Variants in SBF2 observed in about 807,000 individuals in gnomAD.
The protein encoded by SBF2 is myotubularin-related protein 13.
A neutral mutation model predicts 225.2 loss-of-function variants in SBF2; 112 were observed. The ratio of observed to expected loss-of-function variants is 0.50; its 90% CI spans 0.43 to 0.58. The LOEUF (loss-of-function observed/expected upper bound fraction) is 0.58. Ranked by LOEUF, SBF2 falls within the 20% of genes least tolerant of loss-of-function variation. The pLI is 0.00. For synonymous variants in SBF2, 763 were observed against 773.3 expected, an observed-to-expected ratio of 0.99 and a Z score of 0.22; for missense variants, 1,996 against 2,206.2, an observed-to-expected ratio of 0.90 and a Z score of 1.91.
intron 3 of SBF2, among the ~76,000 whole-genome samples, chr11:10,032,652 T>C (rs1204487482): frequency 6.6e-6 from 1 of 152,244 alleles, no homozygotes; most frequent in Non-Finnish European, 1.5e-5. Flanking sequence ...CCATGGCATT[T>C]GTTACTATCC....
chr11:10,260,479 G>A (rs1961316481), intron 1 of SBF2, among the ~76,000 whole-genome samples: 1 of 152,016 alleles, frequency 6.6e-6, no homozygotes, highest in Non-Finnish European at 1.5e-5. Flanking sequence ...CACTTTGGGA[G>A]GCCAAGGCGG....
At chr11:10,193,848 T>G (rs969965713) in intron 2 of SBF2, 54 bp downstream of exon 2, 3 of 1,188,930 alleles carry the variant, frequency 2.5e-6, no homozygotes, top group Non-Finnish European at 3.8e-6. Flanking sequence ...AAAATCAATG[T>G]GACAAAAAAG....
At chr11:10,016,691 T>C (rs1948665735) in intron 6 of SBF2, 1 of 152,292 alleles carries the variant, frequency 6.6e-6, no homozygotes, top group Non-Finnish European at 1.5e-5. Context: ...TTTCACCGTG[T>C]TAGCCAGGAT....
intron 16 of SBF2, among the ~76,000 whole-genome samples, chr11:9,919,820 C>A (rs1349516242): frequency 6.6e-6 from 1 of 152,078 alleles, no homozygotes; most frequent in African/African-American, 2.4e-5. Flanking sequence ...CAACCTCCAC[C>A]TCCCAGGTTC....
At chr11:10,219,539 G>A (rs911096207) in intron 1 of SBF2, among the ~76,000 whole-genome samples, 3 of 152,142 alleles carry the variant, frequency 2.0e-5, no homozygotes, top group Non-Finnish European at 2.9e-5. Flanking sequence ...CGTTACTTAC[G>A]CAAATTTCTG....
At chr11:10,016,572 C>T (rs1439222082) in intron 6 of SBF2, 5 of 152,048 alleles carry the variant, frequency 3.3e-5, no homozygotes, top group African/African-American at 7.3e-5. Flanking sequence ...CTGCAAGCTC[C>T]GCCTCTTGGG....
intron 2 of SBF2, among the ~76,000 whole-genome samples, chr11:10,063,661 A>ATT (rs1057430591): frequency 7.2e-5 from 11 of 151,878 alleles, no homozygotes; most frequent in Admixed American, 5.9e-4. Context: ...CTGGCCAAAA[A>ATT]TTTTTTAAAA....
At chr11:9,968,048 A>G (rs1257957924) in intron 14 of SBF2, among the ~76,000 whole-genome samples, 3 of 150,978 alleles carry the variant, frequency 2.0e-5, no homozygotes, top group Non-Finnish European at 4.4e-5. Context: ...GTCTGTAAAT[A>G]TACTAAAAAT....
chr11:9,856,350 T>G (rs752547712), intron 19 of SBF2, 108 bp downstream of exon 19: 2 of 1,421,762 alleles, frequency 1.4e-6, no homozygotes, highest in Non-Finnish European at 2.0e-6. Flanking sequence ...TGGTTAACTT[T>G]TGAAATATGT....
At chr11:10,264,349 G>A (rs1002165718) in intron 1 of SBF2, among the ~76,000 whole-genome samples, 5 of 152,068 alleles carry the variant, frequency 3.3e-5, no homozygotes, top group African/African-American at 1.2e-4. Context: ...TCTCACCTAT[G>A]TATACTAAAA....
chr11:9,914,357 G>C (rs1230724625), intron 16 of SBF2, among the ~76,000 whole-genome samples: 1 of 152,158 alleles, frequency 6.6e-6, no homozygotes, highest in Non-Finnish European at 1.5e-5. Context: ...GCTGAGGAAA[G>C]AATCTCTGAG....
chr11:10,082,251 C>T (rs1951396471), intron 2 of SBF2, among the ~76,000 whole-genome samples: 1 of 152,046 alleles, frequency 6.6e-6, no homozygotes, highest in South Asian at 2.1e-4. Flanking sequence ...CACCCATCAA[C>T]AAAAAAGTCC....
intron 16 of SBF2, among the ~76,000 whole-genome samples, chr11:9,905,904 GGCA>G (rs567879739): frequency 1.1e-3 from 175 of 152,230 alleles, no homozygotes; most frequent in Non-Finnish European, 2.1e-3. Context: ...TTACTTTGAA[GGCA>G]GTCATTACCT....
At chr11:10,195,372 A>G (rs1452965539) in intron 1 of SBF2, among the ~76,000 whole-genome samples, 2 of 152,160 alleles carry the variant, frequency 1.3e-5, no homozygotes, top group Non-Finnish European at 2.9e-5. Flanking sequence ...AACTTTGGGG[A>G]TGTAATTTGT....
At chr11:10,120,570 G>A (rs932402142) in intron 2 of SBF2, among the ~76,000 whole-genome samples, 44 of 152,098 alleles carry the variant, frequency 2.9e-4, no homozygotes, top group African/African-American at 1.1e-3. Context: ...TAGGGCAAAA[G>A]GGTCTAATTT....
At chr11:10,069,906 A>G (rs1326552516) in intron 2 of SBF2, among the ~76,000 whole-genome samples, 26 of 149,560 alleles carry the variant, frequency 1.7e-4, no homozygotes, top group Admixed American at 3.3e-4. Context: ...TTCTCTGATG[A>G]CCAATGATGA....
Position 9,858,406 on chromosome 11 carries a change from C to T in SBF2, c.1930-10G>A, listed in dbSNP as rs765561519. ...CTCCAGGGGCAAGTTTCTGTGAGAA[C>T]ACACAAAATACATCATCATGGGGCT... is the stretch of plus-strand genomic sequence containing the variant. On this transcript the variant is annotated splice_polypyrimidine_tract_variant and intron_variant, in intron 17 of 39. Transcript: ENST00000256190. 4.0e-5 allele frequency: 64 copies of T among 1,614,018 alleles called. No homozygotes were observed. In the East Asian group the frequency reaches 1.4e-3, roughly 34 times the overall value.
At chr11:10,096,648 T>C (rs1952038499) in intron 2 of SBF2, among the ~76,000 whole-genome samples, 1 of 152,160 alleles carries the variant, frequency 6.6e-6, no homozygotes, top group Non-Finnish European at 1.5e-5. Flanking sequence ...GGAATAAATA[T>C]TCACAAAATC....
chr11:10,153,378 C>A (rs1029697998), intron 2 of SBF2, among the ~76,000 whole-genome samples: 3 of 152,050 alleles, frequency 2.0e-5, no homozygotes, highest in Admixed American at 1.3e-4. Flanking sequence ...AAATTCAAAA[C>A]CAATTTATCT....
Sources: allele counts gnomAD v4.1 joint callset (sites outside exome capture counted in the v4.1 genomes callset), GRCh38; gene constraint gnomAD v4.1.1; transcripts MANE v1.5; gene names NCBI Gene and HGNC (gene_info 2026-07-23, HGNC 2026-07-21).